Variants in ERN1 observed in about 807,000 individuals in gnomAD.
ERN1 encodes endoplasmic reticulum to nucleus signaling 1, also known as serine/threonine-protein kinase/endoribonuclease IRE1.
ERN1 carries 39 observed loss-of-function variants against 113.1 expected under a neutral mutation model. The ratio of observed to expected loss-of-function variants is 0.34; its 90% confidence interval spans 0.27 to 0.45. ERN1 has a LOEUF of 0.45. Among genes scored for constraint, ERN1 ranks in the 20% least tolerant of loss-of-function variants. The pLI, the probability that ERN1 is intolerant of heterozygous loss-of-function variation, is 1.00. For missense variants in ERN1, 976 were observed against 1,274.8 expected, an observed-to-expected ratio of 0.77 and a Z score of 3.57; for synonymous variants, 507 against 515.9, an observed-to-expected ratio of 0.98 and a Z score of 0.23.
At chr17:64,106,184 G>C (rs1037190840) in intron 1 of ERN1, among the ~76,000 whole-genome samples, 1 of 152,146 alleles carries the variant, frequency 6.6e-6, no homozygotes, top group Non-Finnish European at 1.5e-5. Flanking sequence ...GGCGTTAAGG[G>C]TTCCTTTTAG....
intron 2 of ERN1, among the ~76,000 whole-genome samples, chr17:64,083,368 GA>G (rs1369508441): frequency 6.6e-6 from 1 of 151,968 alleles, no homozygotes; most frequent in Non-Finnish European, 1.5e-5. Flanking sequence ...TTAATAATGA[GA>G]ACTGATATCA....
In ERN1 at chr17:64,054,241, T is replaced by C; in HGVS notation, c.1953+9A>G. The C allele has an allele frequency of 3.1e-6, 5 of 1,597,308 alleles. No individual in the cohort carries two copies. Among genetic ancestry groups the C allele is most frequent in the Non-Finnish European group, 4.3e-6 (5 of 1,170,006 alleles). ...AATAAAGTTAACAAAATAAAAAAAATAAATCCACCTCTTGCAGGGTGGCTG... is the reference window on the plus strand; with the variant it reads ...AATAAAGTTAACAAAATAAAAAAAACAAATCCACCTCTTGCAGGGTGGCTG... On this transcript the variant is annotated intron_variant, in intron 15 of 21. Coordinates refer to ENST00000433197, the MANE Select transcript of ERN1 (RefSeq NM_001433.5). This position sits in a 1 kb window ranked among gnomAD's most constrained non-coding sequence, Gnocchi z 4.9.
intron 1 of ERN1, among the ~76,000 whole-genome samples, chr17:64,099,676 G>A (rs374027875): frequency 3.9e-5 from 6 of 152,074 alleles, no homozygotes; most frequent in South Asian, 2.1e-4. Flanking sequence ...CAGAAGGCCC[G>A]GCTACTCTCG....
chr17:64,057,414 G>A (rs901521605), intron 12 of ERN1, among the ~76,000 whole-genome samples: 1 of 151,688 alleles, frequency 6.6e-6, no homozygotes, highest in African/African-American at 2.4e-5. Context: ...TGTCGCCCAG[G>A]CTGGAGTGCA....
chr17:64,055,100 T>C (rs905126115), intron 13 of ERN1, among the ~76,000 whole-genome samples: 2 of 152,266 alleles, frequency 1.3e-5, no homozygotes, highest in Non-Finnish European at 2.9e-5. Flanking sequence ...GGATTCTCCA[T>C]AGCGTTTCAC....
chr17:64,122,427 G>A (rs1914978134), intron 1 of ERN1, among the ~76,000 whole-genome samples: 2 of 152,172 alleles, frequency 1.3e-5, no homozygotes, highest in Non-Finnish European at 2.9e-5. Flanking sequence ...TGGACTACAT[G>A]GCCGAGAGCC....
intron 13 of ERN1, 121 bp downstream of exon 13, chr17:64,055,554 T>G: frequency 2.1e-6 from 2 of 933,962 alleles, no homozygotes; most frequent in East Asian, 3.0e-5. Flanking sequence ...GAGTGGAAGT[T>G]AGAGGAGAAC....
chr17:64,102,109 G>A (rs530481401), intron 1 of ERN1, among the ~76,000 whole-genome samples: 3 of 152,092 alleles, frequency 2.0e-5, no homozygotes, highest in East Asian at 1.9e-4. Context: ...GTGAAACCCC[G>A]TCTGTACTAA....
Position 64,054,360 on chromosome 17 carries a change from G to C in ERN1, c.1843C>G (p.Leu615Val). Residue 615 changes from leucine to valine, a missense_variant, in exon 15 of 22, where the codon CTG becomes GTG. This residue lies in a region of ERN1 where 297 missense variants were observed against 457.8 expected (regional missense o/e 0.65). Transcript: ENST00000433197. This position sits in a 1 kb window ranked among gnomAD's most constrained non-coding sequence, Gnocchi z 4.9. ...GGGTGCTCATCCGATTCTCGCAACA[G>C]CTGGACCTCACGGTCTGCGAAGCTA... is the stretch of plus-strand genomic sequence containing the variant. ...CFSFADREVQ[L>V]LRESDEHPNV... is the part of the protein sequence containing the mutation. The C allele has an allele frequency of 6.2e-7, 1 of 1,611,596 alleles. No individual in the cohort carries two copies. Among genetic ancestry groups the C allele is most frequent in the African/African-American group, 1.3e-5 (1 of 75,012 alleles).
At chr17:64,112,651 C>T (rs1567885603) in intron 1 of ERN1, among the ~76,000 whole-genome samples, 2 of 152,284 alleles carry the variant, frequency 1.3e-5, no homozygotes, top group South Asian at 2.1e-4. Flanking sequence ...GGGGATAATG[C>T]TAATTAACTT....
chr17:64,054,886 A>C lies in ERN1; in HGVS notation c.1673-58T>G, dbSNP rs1437539977. The C allele has an allele frequency of 7.8e-7, 1 of 1,285,636 alleles. No individual in the cohort carries two copies. The highest frequency in any genetic ancestry group is 1.1e-6 in the Non-Finnish European group (1 of 912,212). The allele number at this position is 1,285,636 out of a possible 1,614,324, so 79.6% of individuals were successfully genotyped here. A position where few individuals can be genotyped will look rare whatever the true frequency, so the allele number is the denominator to read the frequency against. ...AACAGATATCACCTAAAGAACCTTG[A>C]GGTTAACATAGTGACAAGCTTCCTG... is the stretch of plus-strand genomic sequence containing the variant. On this transcript the variant is annotated intron_variant, in intron 13 of 21. Transcript: ENST00000433197. This position sits in a 1 kb window ranked among gnomAD's most constrained non-coding sequence, Gnocchi z 4.9.
chr17:64,113,196 C>T (rs531831334), intron 1 of ERN1, among the ~76,000 whole-genome samples: 4 of 152,296 alleles, frequency 2.6e-5, no homozygotes, highest in South Asian at 2.1e-4. Context: ...GTGCTACCCC[C>T]ACCAATAATG....
At chr17:64,062,290 A>T (rs1281707225) in intron 10 of ERN1, among the ~76,000 whole-genome samples, 1 of 152,264 alleles carries the variant, frequency 6.6e-6, no homozygotes, top group Non-Finnish European at 1.5e-5. Context: ...TCTCAAGCTA[A>T]TTGGATCCTT....
chr17:64,099,513 T>C (rs370742512), intron 1 of ERN1, among the ~76,000 whole-genome samples: 1 of 151,926 alleles, frequency 6.6e-6, no homozygotes, highest in African/African-American at 2.4e-5. Flanking sequence ...AATAGCTTTT[T>C]CCCCAGGTCT....
Position 64,060,454 on chromosome 17 carries a change from C to T in ERN1, c.1206+15G>A, listed in dbSNP as rs367873738. The T allele has an allele frequency of 1.9e-6, 3 of 1,556,344 alleles. No individual in the cohort carries two copies. The highest frequency in any genetic ancestry group is 1.4e-5 in the African/African-American group (1 of 73,792). On this transcript the variant is annotated intron_variant, in intron 11 of 21. Coordinates refer to ENST00000433197, the MANE Select transcript of ERN1 (RefSeq NM_001433.5). ...CTAACACCAACAACCCCCGACTGGT[C>T]GCTTCCTCACTCACTTCCTCAAAGC... is the stretch of plus-strand genomic sequence containing the variant.
At chr17:64,120,586 G>A (rs555555698) in intron 1 of ERN1, among the ~76,000 whole-genome samples, 21 of 152,264 alleles carry the variant, frequency 1.4e-4, no homozygotes, top group African/African-American at 5.1e-4. Context: ...TCTGGGCCAA[G>A]GTTCATTTTT....
chr17:64,092,456 G>C (rs1914119046), intron 2 of ERN1, among the ~76,000 whole-genome samples: 1 of 152,034 alleles, frequency 6.6e-6, no homozygotes, highest in African/African-American at 2.4e-5. Context: ...GTCCTGTTTT[G>C]TTCACCTGCT....
intron 18 of ERN1, 132 bp downstream of exon 18, chr17:64,048,923 C>A (rs1482837427): frequency 1.1e-6 from 1 of 887,872 alleles, no homozygotes; most frequent in East Asian, 2.9e-5. Flanking sequence ...GTCTGGAGGT[C>A]CTGAGGCCTG....
At chr17:64,070,706 G>C (rs1913383499) in intron 6 of ERN1, among the ~76,000 whole-genome samples, 1 of 152,204 alleles carries the variant, frequency 6.6e-6, no homozygotes, top group Non-Finnish European at 1.5e-5. Context: ...TGAAAGTTTA[G>C]ACCTAAATGT....
Sources: gnomAD v4.1 joint callset for allele counts (sites outside exome capture counted in the v4.1 genomes callset) on GRCh38, gnomAD v4.1.1 for gene constraint, gnomAD v4.1.1 regional missense constraint, Gnocchi (gnomAD v3.1) non-coding constraint, MANE v1.5 for transcripts, NCBI Gene and HGNC (gene_info 2026-07-23, HGNC 2026-07-21) for gene names.